The following ORC5 variants were observed in gnomAD, a reference collection of about 807,000 sequenced individuals.
The protein encoded by ORC5 is protein phosphatase 1, regulatory subunit 117.
ORC5 carries 39 observed loss-of-function variants against 58.8 expected under a neutral mutation model. That is an observed-to-expected ratio of 0.66 (90% CI 0.51 to 0.87). The LOEUF (loss-of-function observed/expected upper bound fraction) is 0.87, where lower values mean the gene tolerates loss of function less well. Among genes scored for constraint, ORC5 ranks in the 40% least tolerant of loss-of-function variants. The probability of loss-of-function intolerance (pLI) is 0.00; values close to 1 mark genes in which losing one functional copy is unlikely to be tolerated. For synonymous variants in ORC5, 218 were observed against 177.6 expected (o/e 1.23, Z -1.81); for missense variants, 493 against 506.3 (o/e 0.97, Z 0.25).
intron 1 of ORC5, among the ~76,000 whole-genome samples, chr7:104,204,754 C>A (rs989850333): frequency 1.3e-5 from 2 of 152,194 alleles, no homozygotes; most frequent in African/African-American, 4.8e-5. Flanking sequence ...CTGATGCTGG[C>A]ATAAATGCAT....
At chr7:104,202,579 C>T (rs1258523700) in intron 2 of ORC5, 1 of 451,588 alleles carries the variant, frequency 2.2e-6, no homozygotes, top group Non-Finnish European at 4.4e-6. Flanking sequence ...TCATATATTA[C>T]ACTGATTAAG....
At chr7:104,141,573 T>C (rs1798673117) in intron 12 of ORC5, among the ~76,000 whole-genome samples, 2 of 152,214 alleles carry the variant, frequency 1.3e-5, no homozygotes, top group South Asian at 4.1e-4. Context: ...AGGGATGTTC[T>C]AAATATTTAT....
intron 12 of ORC5, among the ~76,000 whole-genome samples, chr7:104,156,845 GC>G (rs1798935890): frequency 6.6e-6 from 1 of 151,626 alleles, no homozygotes; most frequent in Non-Finnish European, 1.5e-5. Flanking sequence ...ACATTTTTCA[GC>G]AAGTTTATTT....
intron 5 of ORC5, among the ~76,000 whole-genome samples, chr7:104,191,688 G>A (rs1804539170): frequency 6.6e-6 from 1 of 151,948 alleles, no homozygotes. Context: ...AGTCATGCCA[G>A]CTCTAACAGT....
At chr7:104,182,933 G>A (rs981965225) in intron 8 of ORC5, among the ~76,000 whole-genome samples, 5 of 151,980 alleles carry the variant, frequency 3.3e-5, no homozygotes, top group Non-Finnish European at 5.9e-5. Flanking sequence ...TCAGGAGTTC[G>A]AGACCAGCCT....
rs1205703524 is a variant in ORC5 at position 104,157,893 on chromosome 7, A to AC, written c.1149+3178dup. Among the ~76,000 whole-genome samples, 4 of 152,128 alleles carry AC rather than the reference A, an allele frequency of 2.6e-5. 1 individual carries two copies. Among genetic ancestry groups the AC allele is most frequent in the Admixed American group, 2.0e-4 (3 of 15,256 alleles). On this transcript the variant is annotated intron_variant, in intron 12 of 13. Transcript: ENST00000297431. ...ATTCAATTCCAACCAAACCAGGGTGACAGTTCACAGGTATGCCTTGCTTTT... is the reference window on the plus strand; with the variant it reads ...ATTCAATTCCAACCAAACCAGGGTGACCAGTTCACAGGTATGCCTTGCTTTT...
intron 5 of ORC5, among the ~76,000 whole-genome samples, chr7:104,193,719 T>TAAAA (rs10651483): frequency 2.1e-5 from 3 of 145,802 alleles, no homozygotes; most frequent in Non-Finnish European, 3.0e-5. Flanking sequence ...TGTTTTTGCT[T>TAAAA]AAAAAAAAAA....
chr7:104,189,851 G>A (rs981935041), intron 5 of ORC5, among the ~76,000 whole-genome samples: 1 of 152,132 alleles, frequency 6.6e-6, no homozygotes, highest in African/African-American at 2.4e-5. Flanking sequence ...ACCTGAGGAG[G>A]GGCTCATGTG....
At chr7:104,155,079 C>T (rs1027101852) in intron 12 of ORC5, among the ~76,000 whole-genome samples, 1 of 151,712 alleles carries the variant, frequency 6.6e-6, no homozygotes, top group Non-Finnish European at 1.5e-5. Context: ...TATAAAACAA[C>T]ACCTAAATGA....
At chr7:104,182,059 T>C (rs1351521920) in intron 8 of ORC5, among the ~76,000 whole-genome samples, 2 of 152,222 alleles carry the variant, frequency 1.3e-5, no homozygotes, top group Non-Finnish European at 2.9e-5. Flanking sequence ...TTAATCAACC[T>C]GTAGCCTAGA....
chr7:104,202,199 T>C (rs1799962642), intron 2 of ORC5, among the ~76,000 whole-genome samples: 1 of 152,200 alleles, frequency 6.6e-6, no homozygotes, highest in Admixed American at 6.5e-5. Context: ...TGCTCACCAA[T>C]ACAGTCTATC....
intron 12 of ORC5, among the ~76,000 whole-genome samples, chr7:104,151,690 G>C (rs1798849892): frequency 6.6e-6 from 1 of 152,148 alleles, no homozygotes; most frequent in Non-Finnish European, 1.5e-5. Context: ...GGTCATCCAG[G>C]TACAGTTCAG....
intron 12 of ORC5, among the ~76,000 whole-genome samples, chr7:104,152,547 T>C (rs1798863198): frequency 6.6e-6 from 1 of 152,200 alleles, no homozygotes; most frequent in South Asian, 2.1e-4. Context: ...TTAAACAATC[T>C]AGTCATTAAG....
chr7:104,178,913 CA>C (rs142745123), intron 8 of ORC5, among the ~76,000 whole-genome samples: 2 of 150,218 alleles, frequency 1.3e-5, no homozygotes, highest in Non-Finnish European at 3.0e-5. Flanking sequence ...CTTACAAAGC[CA>C]AAAAAAAGTG....
intron 8 of ORC5, among the ~76,000 whole-genome samples, chr7:104,170,415 G>A (rs957083940): frequency 1.3e-5 from 2 of 152,148 alleles, no homozygotes; most frequent in Non-Finnish European, 2.9e-5. Flanking sequence ...AGGCCCAATA[G>A]AGTCAGAAGG....
chr7:104,156,836 C>A (rs1798935725), intron 12 of ORC5, among the ~76,000 whole-genome samples: 1 of 151,846 alleles, frequency 6.6e-6, no homozygotes, highest in Non-Finnish European at 1.5e-5. Flanking sequence ...TTTATAATTA[C>A]ATTTTTCAGC....
intron 12 of ORC5, among the ~76,000 whole-genome samples, chr7:104,150,219 T>C (rs1359480629): frequency 6.6e-6 from 1 of 152,250 alleles, no homozygotes; most frequent in Non-Finnish European, 1.5e-5. Flanking sequence ...TCATTATTTT[T>C]ATACGTTCAT....
intron 8 of ORC5, among the ~76,000 whole-genome samples, chr7:104,181,632 A>C (rs1414627595): frequency 6.6e-6 from 1 of 150,784 alleles, no homozygotes; most frequent in Admixed American, 6.6e-5. Context: ...AAAAATACGA[A>C]AAAAAAAAAT....
At chr7:104,160,865 G>T (rs182303167) in intron 12 of ORC5, among the ~76,000 whole-genome samples, 1 of 152,042 alleles carries the variant, frequency 6.6e-6, no homozygotes, top group African/African-American at 2.4e-5. Context: ...TTGCCATGAG[G>T]TTATACTTGT....
Sources: gnomAD v4.1 joint callset for allele counts (sites outside exome capture counted in the v4.1 genomes callset) on GRCh38, gnomAD v4.1.1 for gene constraint, MANE v1.5 for transcripts, NCBI Gene and HGNC (gene_info 2026-07-23, HGNC 2026-07-21) for gene names.